The following TRPC4 variants were observed in gnomAD, a reference collection of about 807,000 sequenced individuals.
TRPC4 encodes the protein short transient receptor potential channel 4.
A neutral mutation model predicts 99.4 loss-of-function variants in TRPC4; 49 were observed. The observed-to-expected ratio is 0.49, with a 90% CI of 0.39 to 0.63. The LOEUF is 0.63. TRPC4 is among the 20% of genes least tolerant of loss of function. The pLI, the probability that TRPC4 is intolerant of heterozygous loss-of-function variation, is 0.00. For synonymous variants in TRPC4, 454 were observed against 425.9 expected, an observed-to-expected ratio of 1.07 and a Z score of -0.81; for missense variants, 898 against 1,152.9, an observed-to-expected ratio of 0.78 and a Z score of 3.20.
intron 3 of TRPC4, among the ~76,000 whole-genome samples, chr13:37,700,651 C>A (rs1954076336): frequency 1.3e-5 from 2 of 152,132 alleles, no homozygotes; most frequent in Non-Finnish European, 2.9e-5. Context: ...TTAAATTGTT[C>A]CAGACCTTAG....
chr13:37,781,600 G>C (rs1956843402), intron 2 of TRPC4, among the ~76,000 whole-genome samples: 1 of 152,008 alleles, frequency 6.6e-6, no homozygotes, highest in Admixed American at 6.6e-5. Context: ...ACGTTTGAAA[G>C]AATACAAGAA....
chr13:37,747,963 A>T (rs904416891), intron 2 of TRPC4, among the ~76,000 whole-genome samples: 5 of 152,178 alleles, frequency 3.3e-5, no homozygotes, highest in Non-Finnish European at 2.9e-5. Flanking sequence ...TAAATCTGAT[A>T]ACCAAGATGG....
At chr13:37,857,026 A>G (rs1439466134) in intron 1 of TRPC4, among the ~76,000 whole-genome samples, 1 of 151,544 alleles carries the variant, frequency 6.6e-6, no homozygotes, top group Non-Finnish European at 1.5e-5. Context: ...TCAACATAGT[A>G]CCTAAAGATT....
rs953950251 is a variant in TRPC4 at position 37,669,232 on chromosome 13, A to G, written c.1374+4996T>C. On this transcript the variant is annotated intron_variant, in intron 5 of 10. Coordinates refer to ENST00000379705, the MANE Select transcript of TRPC4 (RefSeq NM_016179.4). ...GCGAAAAAGGAATTAAAATCTAATC[A>G]TTTCTGCCAAACTGTTGAAGATAAA... Among the ~76,000 whole-genome samples the G allele has an allele frequency of 2.0e-5, 3 of 152,188 alleles. No homozygotes were observed. In the South Asian group the frequency reaches 6.2e-4, roughly 31 times the overall value.
At chr13:37,865,371 ACTTTTTATT>A (rs1485814530) in intron 1 of TRPC4, among the ~76,000 whole-genome samples, 4 of 151,726 alleles carry the variant, frequency 2.6e-5, no homozygotes, top group Non-Finnish European at 3.0e-5. Flanking sequence ...TAGCATGATA[ACTTTTTATT>A]TATAAATTAT....
At chr13:37,740,191 A>T (rs1955538231) in intron 3 of TRPC4, among the ~76,000 whole-genome samples, 1 of 152,170 alleles carries the variant, frequency 6.6e-6, no homozygotes. Flanking sequence ...TACAACCTTG[A>T]GGGTTAGTAA....
At chr13:37,822,991 T>C (rs1293720823) in intron 1 of TRPC4, among the ~76,000 whole-genome samples, 63 of 148,838 alleles carry the variant, frequency 4.2e-4, no homozygotes, top group African/African-American at 1.5e-3. Context: ...TATCTCATTG[T>C]GGTTTTGATT....
chr13:37,731,825 T>C (rs566433364), intron 3 of TRPC4, among the ~76,000 whole-genome samples: 1 of 152,080 alleles, frequency 6.6e-6, no homozygotes, highest in African/African-American at 2.4e-5. Flanking sequence ...TACGTCCCTT[T>C]CCCCACCTCC....
intron 1 of TRPC4, among the ~76,000 whole-genome samples, chr13:37,823,590 G>C (rs1017608339): frequency 9.9e-5 from 15 of 151,864 alleles, no homozygotes; most frequent in African/African-American, 3.6e-4. Flanking sequence ...GTAGATATGT[G>C]GCGTTATTTC....
At chr13:37,736,984 TG>T (rs1955417263) in intron 3 of TRPC4, among the ~76,000 whole-genome samples, 1 of 151,058 alleles carries the variant, frequency 6.6e-6, no homozygotes, top group Admixed American at 6.6e-5. Flanking sequence ...CTGCCTGCCT[TG>T]GCCTCCCAAA....
At chr13:37,859,520 G>A (rs1443150652) in intron 1 of TRPC4, among the ~76,000 whole-genome samples, 2 of 151,434 alleles carry the variant, frequency 1.3e-5, no homozygotes, top group African/African-American at 4.8e-5. Context: ...ACCTCAAAGA[G>A]CATCATCAGA....
intron 1 of TRPC4, among the ~76,000 whole-genome samples, chr13:37,809,854 T>A (rs370887322): frequency 6.6e-6 from 1 of 152,096 alleles, no homozygotes; most frequent in Non-Finnish European, 1.5e-5. Context: ...AGGTTCACCC[T>A]GGTATATCAG....
At chr13:37,639,199 AG>A in intron 9 of TRPC4, 58 bp downstream of exon 9, 1 of 1,612,820 alleles carries the variant, frequency 6.2e-7, no homozygotes, top group Non-Finnish European at 8.5e-7. Context: ...TCAGTTCTGA[AG>A]GGGGGACTGC....
intron 6 of TRPC4, among the ~76,000 whole-genome samples, chr13:37,658,702 A>C (rs1952326148): frequency 6.6e-6 from 1 of 152,176 alleles, no homozygotes; most frequent in Non-Finnish European, 1.5e-5. Flanking sequence ...AATAGCTTAA[A>C]ATTGCACATA....
intron 3 of TRPC4, among the ~76,000 whole-genome samples, chr13:37,719,442 C>T (rs1321906637): frequency 6.6e-6 from 1 of 151,804 alleles, no homozygotes; most frequent in Non-Finnish European, 1.5e-5. Flanking sequence ...ACAAGACATG[C>T]TAAAGAGGAT....
intron 3 of TRPC4, among the ~76,000 whole-genome samples, chr13:37,716,362 A>G (rs1215798217): frequency 6.6e-6 from 1 of 152,218 alleles, no homozygotes; most frequent in Non-Finnish European, 1.5e-5. Context: ...TCCTAAAATT[A>G]TAAGTACATT....
intron 1 of TRPC4, among the ~76,000 whole-genome samples, chr13:37,830,934 A>G (rs1254065352): frequency 6.6e-6 from 1 of 151,592 alleles, no homozygotes; most frequent in Non-Finnish European, 1.5e-5. Context: ...GAAAAGTTAA[A>G]GTATATAAAC....
intron 1 of TRPC4, among the ~76,000 whole-genome samples, chr13:37,847,937 G>A (rs1267989073): frequency 6.6e-6 from 1 of 152,062 alleles, no homozygotes; most frequent in Non-Finnish European, 1.5e-5. Context: ...CAGATAGATA[G>A]GAGATAAGGT....
intron 2 of TRPC4, among the ~76,000 whole-genome samples, chr13:37,763,898 G>A (rs1367828543): frequency 6.6e-6 from 1 of 151,662 alleles, no homozygotes; most frequent in Non-Finnish European, 1.5e-5. Context: ...GCCATAGTAG[G>A]AGGTGACTAA....
Sources: gnomAD v4.1 joint callset for allele counts (sites outside exome capture counted in the v4.1 genomes callset) on GRCh38, gnomAD v4.1.1 for gene constraint, MANE v1.5 for transcripts, NCBI Gene and HGNC (gene_info 2026-07-23, HGNC 2026-07-21) for gene names.